Variants in IRAG2 observed in about 807,000 individuals in gnomAD.
IRAG2 encodes lymphoid restricted membrane protein.
In IRAG2, 45 loss-of-function variants were observed where a neutral mutation model predicts 69.9. The ratio of observed to expected loss-of-function variants is 0.64; its 90% CI spans 0.51 to 0.83. IRAG2 has a LOEUF of 0.83. Ranked by LOEUF, IRAG2 falls within the 40% of genes least tolerant of loss-of-function variation. IRAG2 has a pLI of 0.00. For synonymous variants in IRAG2, 193 were observed against 202.4 expected (o/e 0.95, Z 0.40); for missense variants, 520 against 587.0 (o/e 0.89, Z 1.18).
chr12:25,041,955 CTGTGTGTGTGTGTGTGTGTG>C (rs59225610), intron 16 of IRAG2, among the ~76,000 whole-genome samples: 2 of 148,350 alleles, frequency 1.3e-5, no homozygotes, highest in East Asian at 3.9e-4. Context: ...TTTGTTTCAG[CTGTGTGTGTGTGTGTGTGTG>C]TGTGTGTGTG....
intron 7 of IRAG2, among the ~76,000 whole-genome samples, chr12:25,022,244 T>A (rs1944587079): frequency 6.6e-6 from 1 of 152,162 alleles, no homozygotes; most frequent in Non-Finnish European, 1.5e-5. Flanking sequence ...AATTTTGGCC[T>A]GCACTTTGGG....
chr12:25,004,228 G>C, upstream of IRAG2: 1 of 700,642 alleles, frequency 1.4e-6, no homozygotes, highest in Non-Finnish European at 2.0e-6. Flanking sequence ...AGTTGATTTG[G>C]GAATAAATTG....
chr12:25,099,727 C>T (rs1219322906), intron 15 of IRAG2, among the ~76,000 whole-genome samples: 4 of 152,000 alleles, frequency 2.6e-5, no homozygotes, highest in South Asian at 2.1e-4. Context: ...TGTGGCCGGG[C>T]GCGGTGACTC....
At chr12:25,066,288 A>C in intron 4 of IRAG2, 77 bp from the exon 5 acceptor site, 1 of 399,212 alleles carries the variant, frequency 2.5e-6, no homozygotes, top group Non-Finnish European at 4.4e-6. Flanking sequence ...GTCTCTCAAG[A>C]AGGAAAGACT....
intron 4 of IRAG2, among the ~76,000 whole-genome samples, chr12:25,066,146 TATATTA>T (rs1945969169): frequency 6.6e-6 from 1 of 151,812 alleles, no homozygotes; most frequent in East Asian, 1.9e-4. Context: ...TTATTTTATA[TATATTA>T]ATATTACTAT....
chr12:25,048,360 G>A (rs1028076794), upstream of IRAG2, among the ~76,000 whole-genome samples: 10 of 151,910 alleles, frequency 6.6e-5, no homozygotes, highest in Non-Finnish European at 1.0e-4. Context: ...GCGGGGTCTC[G>A]ATCTCGGCTC....
intron 9 of IRAG2, among the ~76,000 whole-genome samples, chr12:25,027,669 C>T (rs11047769): frequency 0.052 from 7,857 of 152,168 alleles, 214 homozygotes; most frequent in Non-Finnish European, 0.057. Context: ...GCTGGGATCA[C>T]GGGCATGAGC....
chr12:25,097,354 C>T (rs1948482598), intron 15 of IRAG2: 1 of 180,090 alleles, frequency 5.6e-6, no homozygotes, highest in Non-Finnish European at 1.1e-5. Flanking sequence ...ATTCATCATA[C>T]AACATAGGTA....
chr12:25,041,903 G>C (rs1453939333), intron 16 of IRAG2, among the ~76,000 whole-genome samples: 1 of 151,268 alleles, frequency 6.6e-6, no homozygotes, highest in Admixed American at 6.6e-5. Context: ...AAATAATAGA[G>C]TGCATTACAT....
chr12:25,021,209 A>G (rs1425884923), intron 7 of IRAG2, among the ~76,000 whole-genome samples: 1 of 149,878 alleles, frequency 6.7e-6, no homozygotes, highest in African/African-American at 2.5e-5. Flanking sequence ...GGCTCAAGCG[A>G]TCCTCTCACT....
intron 9 of IRAG2, among the ~76,000 whole-genome samples, chr12:25,082,556 C>A (rs984124635): frequency 6.6e-6 from 1 of 151,414 alleles, no homozygotes; most frequent in Non-Finnish European, 1.5e-5. Flanking sequence ...GCTGAGACTG[C>A]GCCACTGCCC....
intron 16 of IRAG2, chr12:25,101,985 A>T (rs972481233): frequency 4.4e-6 from 3 of 680,816 alleles, no homozygotes; most frequent in South Asian, 1.5e-5. Context: ...CATTATGGAC[A>T]TCACAGTGAC....
At chr12:25,079,350 A>C in intron 7 of IRAG2, 48 bp from the exon 8 acceptor site, 17 of 1,610,490 alleles carry the variant, frequency 1.1e-5, no homozygotes, top group Non-Finnish European at 1.4e-5. Context: ...TTTTAAGAGA[A>C]TTATTTGGAC....
Position 25,107,939 on chromosome 12 carries a change from G to A in IRAG2, c.1379G>A (p.Gly460Asp). The A allele has an allele frequency of 6.2e-7, 1 of 1,614,142 alleles. No homozygotes were observed. The highest frequency in any genetic ancestry group is 8.5e-7 in the Non-Finnish European group (1 of 1,180,026). Residue 460 changes from glycine to aspartate, a missense_variant, in exon 22 of 22, where the codon GGC becomes GAC. Coordinates refer to ENST00000556887, the MANE Select transcript of IRAG2 (RefSeq NM_001366544.2). ...GCAGCTTTGATGAGCTTCCTCACAG[G>A]CCAATTATTCCAGAAGTCTGTGGAT... The part of the protein sequence containing the change: ...LFAALMSFLT[G>D]QLFQKSVDAA...
In IRAG2 at chr12:25,063,818, T is replaced by C; in HGVS notation, c.-207+2T>C. 2.5e-6 allele frequency: 1 copy of C among 399,032 alleles called. No individual in the cohort carries two copies. The highest frequency in any genetic ancestry group is 4.4e-6 in the Non-Finnish European group (1 of 226,044). 24.7% of individuals were successfully genotyped at this position (399,032 alleles called of 1,614,324 possible). ...CGTGCTGGTACACACCTCTGCTGGG[T>C]AAGCCCCCCTTCTATACCTGCTCAG... On this transcript the variant is annotated splice_donor_variant, in intron 4 of 21. Transcript: ENST00000556887. LOFTEE classifies it low-confidence loss of function (5UTR_SPLICE).
intron 17 of IRAG2, chr12:25,102,588 C>T: frequency 4.1e-6 from 1 of 242,162 alleles, no homozygotes; most frequent in Admixed American, 5.2e-5. Flanking sequence ...TGGCTTCTGC[C>T]TCAGAGTCTA....
intron 5 of IRAG2, 36 bp from the exon 6 acceptor site, chr12:25,069,314 T>G: frequency 8.3e-6 from 8 of 964,852 alleles, no homozygotes; most frequent in South Asian, 4.1e-5. Context: ...TGCAGTTTTT[T>G]CACCTGTAGT....
chr12:25,089,826 A>G lies in IRAG2; in HGVS notation c.465+36A>G, dbSNP rs578223951. 60 of 1,604,784 alleles carry G rather than the reference A, an allele frequency of 3.7e-5. No homozygotes were observed. In the South Asian group the frequency reaches 5.7e-4, roughly 15 times the overall value. ...AGCAAATTTTTTTTCCTTTTAAAAA[A>G]GTGTTCCAGACTCACCTGCTACAGT... On this transcript the variant is annotated intron_variant, in intron 13 of 21. Coordinates refer to ENST00000556887, the MANE Select transcript of IRAG2 (RefSeq NM_001366544.2).
intron 15 of IRAG2, chr12:25,097,464 T>C (rs1948490713): frequency 6.5e-6 from 1 of 152,984 alleles, no homozygotes; most frequent in African/African-American, 2.4e-5. Flanking sequence ...TTGTATTCAA[T>C]CATTTCAGGA....
Sources: gnomAD v4.1 joint callset for allele counts (sites outside exome capture counted in the v4.1 genomes callset) on GRCh38, gnomAD v4.1.1 for gene constraint, MANE v1.5 for transcripts, NCBI Gene and HGNC (gene_info 2026-07-23, HGNC 2026-07-21) for gene names.